Variants in CAMSAP1 observed in about 807,000 individuals in gnomAD.
CAMSAP1 encodes the protein calmodulin regulated spectrin associated protein 1, also known as calmodulin-regulated spectrin-associated protein 1.
A neutral mutation model predicts 143.5 loss-of-function variants in CAMSAP1; 58 were observed. The ratio of observed to expected loss-of-function variants is 0.40; its 90% CI spans 0.33 to 0.50. The LOEUF (loss-of-function observed/expected upper bound fraction) is 0.50. Among genes scored for constraint, CAMSAP1 ranks in the 20% least tolerant of loss-of-function variants. CAMSAP1 has a pLI of 0.45. For synonymous variants in CAMSAP1, 945 were observed against 859.3 expected (o/e 1.10, Z -1.74); for missense variants, 1,969 against 2,115.7 (o/e 0.93, Z 1.36).
At chr9:135,844,245 A>T (rs1331805705) in intron 7 of CAMSAP1, among the ~76,000 whole-genome samples, 1 of 152,152 alleles carries the variant, frequency 6.6e-6, no homozygotes, top group Non-Finnish European at 1.5e-5. Flanking sequence ...AATCATAACA[A>T]ACAATCTCTC....
intron 1 of CAMSAP1, among the ~76,000 whole-genome samples, chr9:135,891,339 G>A (rs1838284402): frequency 6.6e-6 from 1 of 152,236 alleles, no homozygotes; most frequent in African/African-American, 2.4e-5. Flanking sequence ...AGGTTCCTCG[G>A]AGCCAGAAAG....
intron 3 of CAMSAP1, among the ~76,000 whole-genome samples, chr9:135,877,066 A>C (rs1251493981): frequency 6.6e-6 from 1 of 152,138 alleles, no homozygotes; most frequent in Non-Finnish European, 1.5e-5. Flanking sequence ...GCTTTATTCA[A>C]AACAGGCAAA....
intron 4 of CAMSAP1, 162 bp downstream of exon 4, chr9:135,866,294 T>C: frequency 5.2e-6 from 3 of 575,096 alleles, no homozygotes; most frequent in Non-Finnish European, 9.4e-6. Context: ...CACATCTCAC[T>C]GAGGTGTGGA....
intron 3 of CAMSAP1, among the ~76,000 whole-genome samples, chr9:135,881,430 C>T (rs1172664561): frequency 6.6e-6 from 1 of 152,044 alleles, no homozygotes; most frequent in Non-Finnish European, 1.5e-5. Flanking sequence ...AATTCATCAC[C>T]CTCTACTCTC....
At chr9:135,823,522 T>G (rs1165652225) in intron 10 of CAMSAP1, among the ~76,000 whole-genome samples, 1 of 152,258 alleles carries the variant, frequency 6.6e-6, no homozygotes, top group African/African-American at 2.4e-5. Context: ...TTTATCAGTA[T>G]TAATCTCTAT....
At position 135,811,555 on chromosome 9, in the gene CAMSAP1, G is replaced by A; in HGVS notation, c.4563C>T (p.Cys1521=). 2.5e-6 allele frequency: 4 copies of A among 1,603,362 alleles called. No individual in the cohort carries two copies. Among genetic ancestry groups the A allele is most frequent in the South Asian group, 1.1e-5 (1 of 89,164 alleles). ...HYIILFRDAG[C]QFRALYCYYP... Reference sequence around the variant, plus strand: ...AGTAGCAGTAAAGCGCCCTGAACTGGCAGCCAGCATCACGAAACAGTATGA... The same window carrying A: ...AGTAGCAGTAAAGCGCCCTGAACTGACAGCCAGCATCACGAAACAGTATGA... Residue 1521 remains cysteine (C), a synonymous_variant, in exon 17 of 17, where the codon TGC becomes TGT. Coordinates refer to ENST00000389532, the MANE Select transcript of CAMSAP1 (RefSeq NM_015447.4). This position sits in a 1 kb window ranked among gnomAD's most constrained non-coding sequence, Gnocchi z 4.9.
chr9:135,848,377 G>A (rs1184297621), intron 7 of CAMSAP1, among the ~76,000 whole-genome samples: 5 of 151,990 alleles, frequency 3.3e-5, no homozygotes, highest in East Asian at 1.9e-4. Flanking sequence ...TGCATAAAAC[G>A]TACATAGAGC....
At chr9:135,845,477 C>T (rs552637337) in intron 7 of CAMSAP1, among the ~76,000 whole-genome samples, 3 of 152,342 alleles carry the variant, frequency 2.0e-5, no homozygotes, top group African/African-American at 7.2e-5. Flanking sequence ...TGCCCTCTCT[C>T]ACCACTCCTA....
At chr9:135,880,720 A>G (rs566085601) in intron 3 of CAMSAP1, among the ~76,000 whole-genome samples, 100 of 152,288 alleles carry the variant, frequency 6.6e-4, no homozygotes, top group African/African-American at 2.1e-3. Flanking sequence ...CCTCTTATTC[A>G]GGCGCGCTAA....
chr9:135,844,005 G>C (rs1011944267), intron 7 of CAMSAP1, among the ~76,000 whole-genome samples: 45 of 151,712 alleles, frequency 3.0e-4, no homozygotes, highest in Non-Finnish European at 1.5e-5. Flanking sequence ...CACAATAATA[G>C]TGGGAGACTT....
At position 135,815,809 on chromosome 9, in the gene CAMSAP1, T is replaced by C. The variant is rs1437836121; in HGVS notation, c.4387+81A>G. 6 of 1,155,316 alleles carry C rather than the reference T, an allele frequency of 5.2e-6. No homozygotes were observed. The African/African-American group carries it at 6.2e-5, about 12-fold the overall frequency. The allele number at this position is 1,155,316 out of a possible 1,614,324, so 71.6% of individuals were successfully genotyped here. ...TAGAAAAATACTTTTTAGACCAAAA[T>C]AGAGAACAGATATTGAAAGAGCCAC... On this transcript the variant is annotated intron_variant, in intron 15 of 16. Coordinates refer to ENST00000389532, the MANE Select transcript of CAMSAP1 (RefSeq NM_015447.4).
At position 135,818,966 on chromosome 9, in the gene CAMSAP1, C is replaced by A; in HGVS notation, c.3959+44G>T. The stretch of plus-strand genomic sequence containing the variant: ...GGGACCGGGGCCGCCAGGGACCCAC[C>A]AGGCTCCTGCTCAGTCTGCTTTCCC... On this transcript the variant is annotated intron_variant, in intron 12 of 16. Transcript: ENST00000389532. The surrounding 1 kb of genome is among the most constrained non-coding windows in gnomAD (Gnocchi z 7.7). The A allele has an allele frequency of 6.3e-7, 1 of 1,594,486 alleles. No individual in the cohort carries two copies.
intron 7 of CAMSAP1, among the ~76,000 whole-genome samples, chr9:135,849,674 G>A (rs1050523413): frequency 1.3e-5 from 2 of 151,944 alleles, no homozygotes; most frequent in African/African-American, 4.8e-5. Flanking sequence ...ATCTTTCAAG[G>A]AAAAGAAGGT....
chr9:135,871,391 T>C (rs1367617934), intron 3 of CAMSAP1, among the ~76,000 whole-genome samples: 1 of 152,124 alleles, frequency 6.6e-6, no homozygotes, highest in East Asian at 1.9e-4. Flanking sequence ...TCTCACTATG[T>C]TGTCGGGGAT....
chr9:135,860,525 G>A (rs1279013054), intron 5 of CAMSAP1, among the ~76,000 whole-genome samples: 1 of 149,684 alleles, frequency 6.7e-6, no homozygotes, highest in Non-Finnish European at 1.5e-5. Flanking sequence ...TTGAACCTGG[G>A]AAGTGGAGGT....
chr9:135,867,469 A>ATCCCC (rs1837417741), intron 3 of CAMSAP1, among the ~76,000 whole-genome samples: 1 of 123,606 alleles, frequency 8.1e-6, no homozygotes, highest in South Asian at 2.8e-4. Flanking sequence ...ACACAGCAAG[A>ATCCCC]CCCCCCTCTT....
intron 7 of CAMSAP1, among the ~76,000 whole-genome samples, chr9:135,842,846 A>G (rs1348138808): frequency 6.6e-6 from 1 of 152,232 alleles, no homozygotes; most frequent in Non-Finnish European, 1.5e-5. Flanking sequence ...AGCACTAAAC[A>G]TGGAAAGGAA....
At chr9:135,817,333 T>TAA (rs754674586) in intron 14 of CAMSAP1, among the ~76,000 whole-genome samples, 4 of 152,136 alleles carry the variant, frequency 2.6e-5, no homozygotes, top group Non-Finnish European at 4.4e-5. Context: ...AATACACACT[T>TAA]AAGTATTTAA....
At chr9:135,829,850 C>CATAAATAAATAAATAAATAA (rs10625345) in intron 7 of CAMSAP1, among the ~76,000 whole-genome samples, 4 of 142,784 alleles carry the variant, frequency 2.8e-5, no homozygotes, top group Non-Finnish European at 4.6e-5. Flanking sequence ...GAGACTCTGT[C>CATAAATAAATAAATAAATAA]ATAAATAAAT....
Sources: allele counts gnomAD v4.1 joint callset (sites outside exome capture counted in the v4.1 genomes callset), GRCh38; gene constraint gnomAD v4.1.1; non-coding constraint Gnocchi (gnomAD v3.1); transcripts MANE v1.5; gene names NCBI Gene and HGNC (gene_info 2026-07-23, HGNC 2026-07-21).